The following EXOC2 variants were observed in gnomAD, a reference collection of about 807,000 sequenced individuals.
EXOC2 encodes SEC5-like 1.
In EXOC2, 70 loss-of-function variants were observed where a neutral mutation model predicts 131.8. The ratio of observed to expected loss-of-function variants is 0.53; its 90% confidence interval spans 0.44 to 0.65. EXOC2 has a LOEUF of 0.65. Among genes scored for constraint, EXOC2 ranks in the 30% least tolerant of loss-of-function variants. The probability of loss-of-function intolerance (pLI) is 0.00; values close to 1 mark genes in which losing one functional copy is unlikely to be tolerated. For missense variants in EXOC2, 923 were observed against 1,108.6 expected, an observed-to-expected ratio of 0.83 and a Z score of 2.38; for synonymous variants, 411 against 398.4, an observed-to-expected ratio of 1.03 and a Z score of -0.38.
intron 25 of EXOC2, among the ~76,000 whole-genome samples, chr6:495,186 T>C (rs547864765): frequency 1.1e-4 from 16 of 147,646 alleles, no homozygotes; most frequent in African/African-American, 3.0e-4. Flanking sequence ...ACTGCAGTGG[T>C]GCGATCTCGG....
intron 1 of EXOC2, among the ~76,000 whole-genome samples, chr6:691,432 C>T (rs1471456254): frequency 2.0e-5 from 3 of 152,212 alleles, no homozygotes; most frequent in Non-Finnish European, 2.9e-5. Context: ...TCTTCTTCCT[C>T]CTCCACAATC....
At chr6:679,208 T>G (rs1292979835) in intron 1 of EXOC2, 1 of 151,888 alleles carries the variant, frequency 6.6e-6, no homozygotes, top group Non-Finnish European at 1.5e-5. Context: ...GCAAATATAT[T>G]CAAAATGTCA....
chr6:617,067 G>A (rs1176612478), intron 6 of EXOC2, among the ~76,000 whole-genome samples: 3 of 152,048 alleles, frequency 2.0e-5, no homozygotes. Context: ...AAGCTATATG[G>A]GTATTTAGTT....
chr6:538,164 A>G (rs1458568614), intron 22 of EXOC2, among the ~76,000 whole-genome samples: 2 of 152,248 alleles, frequency 1.3e-5, no homozygotes, highest in East Asian at 3.8e-4. Flanking sequence ...TTAATGTGTG[A>G]TGAGGCAGGA....
intron 25 of EXOC2, among the ~76,000 whole-genome samples, chr6:492,054 AC>A (rs755792867): frequency 6.6e-6 from 1 of 152,210 alleles, no homozygotes; most frequent in Non-Finnish European, 1.5e-5. Context: ...ATCAGAAGAA[AC>A]CCAGTGTAAA....
chr6:575,879 T>A (rs1431513663), intron 12 of EXOC2, among the ~76,000 whole-genome samples: 1 of 152,190 alleles, frequency 6.6e-6, no homozygotes, highest in Non-Finnish European at 1.5e-5. Flanking sequence ...TCTAACATTG[T>A]TTGTTCTAAT....
intron 7 of EXOC2, 126 bp from the exon 8 acceptor site, chr6:599,351 T>G: frequency 1.1e-6 from 1 of 920,712 alleles, no homozygotes; most frequent in Non-Finnish European, 1.5e-6. Context: ...CAGACTGTTT[T>G]TCAGTTTAGG....
intron 1 of EXOC2, among the ~76,000 whole-genome samples, chr6:662,723 C>T (rs1345087674): frequency 2.6e-5 from 4 of 152,130 alleles, no homozygotes; most frequent in Non-Finnish European, 4.4e-5. Flanking sequence ...CAAACAGATG[C>T]TCTAAGGTCA....
At chr6:675,371 T>C (rs950061206) in intron 1 of EXOC2, among the ~76,000 whole-genome samples, 1 of 152,220 alleles carries the variant, frequency 6.6e-6, no homozygotes, top group African/African-American at 2.4e-5. Flanking sequence ...TAGCATTGTT[T>C]TTTGCTTTTC....
intron 19 of EXOC2, 115 bp from the exon 20 acceptor site, chr6:555,403 G>T: frequency 1.8e-6 from 1 of 554,664 alleles, no homozygotes; most frequent in Non-Finnish European, 3.1e-6. Flanking sequence ...CATTAGTGGT[G>T]TGGTGTTGTG....
chr6:656,294 C>A (rs201006846), intron 1 of EXOC2: 5 of 1,614,106 alleles, frequency 3.1e-6, no homozygotes, highest in East Asian at 2.2e-5. Flanking sequence ...TGTTTTCAGG[C>A]ACACCCACAG....
chr6:626,310 C>T (rs2127694851), intron 4 of EXOC2, among the ~76,000 whole-genome samples: 1 of 152,240 alleles, frequency 6.6e-6, no homozygotes. Context: ...GTTAAACTTG[C>T]AGGCTGAAAG....
chr6:554,024 C>T (rs1008823820), intron 20 of EXOC2, 104 bp from the exon 21 acceptor site: 2 of 890,116 alleles, frequency 2.2e-6, no homozygotes, highest in Admixed American at 4.5e-5. Context: ...ATATGGAAAA[C>T]ATTTGGTGAA....
At chr6:560,848 C>G (rs2127580870) in intron 17 of EXOC2, among the ~76,000 whole-genome samples, 1 of 151,968 alleles carries the variant, frequency 6.6e-6, no homozygotes, top group East Asian at 1.9e-4. Context: ...GCTGGGATTA[C>G]AGGCATGTAC....
intron 17 of EXOC2, among the ~76,000 whole-genome samples, chr6:559,709 GGCTGATATACTA>G (rs1757601599): frequency 6.6e-6 from 1 of 152,144 alleles, no homozygotes. Context: ...TTTTCACAGA[GGCTGATATACTA>G]CAATCAGGCA....
At chr6:592,294 C>T (rs1008250438) in intron 11 of EXOC2, among the ~76,000 whole-genome samples, 175 bp downstream of exon 11, 4 of 151,958 alleles carry the variant, frequency 2.6e-5, no homozygotes, top group Non-Finnish European at 5.9e-5. Flanking sequence ...AAGAGTTGTC[C>T]CTTTTCATTA....
chr6:664,996 C>T lies in EXOC2; in HGVS notation c.-43-27135G>A, dbSNP rs539652276. Among the ~76,000 whole-genome samples, 4 of 152,180 alleles carry T rather than the reference C, an allele frequency of 2.6e-5. No individual in the cohort carries two copies. In the East Asian group the frequency reaches 5.8e-4, roughly 22 times the overall value. On this transcript the variant is annotated intron_variant, in intron 1 of 27. Transcript: ENST00000230449. ...CAAAAGAAACAGCAGAGTAAACAGA[C>T]AACACACAGAGGGGGAGAAAATCTT...
chr6:516,363 G>A (rs544412147), intron 23 of EXOC2, among the ~76,000 whole-genome samples: 7 of 152,308 alleles, frequency 4.6e-5, no homozygotes, highest in East Asian at 1.9e-4. Flanking sequence ...TGCAGCGCTC[G>A]TTGTCAGCTT....
At chr6:628,402 G>T (rs1761686281) in intron 4 of EXOC2, among the ~76,000 whole-genome samples, 2 of 152,202 alleles carry the variant, frequency 1.3e-5, no homozygotes, top group Non-Finnish European at 2.9e-5. Context: ...GTTAGACGCA[G>T]TTCAGGCCAA....
Sources: allele counts gnomAD v4.1 joint callset (sites outside exome capture counted in the v4.1 genomes callset), GRCh38; gene constraint gnomAD v4.1.1; transcripts MANE v1.5; gene names NCBI Gene and HGNC (gene_info 2026-07-23, HGNC 2026-07-21).